MGAT4C: variants seen among roughly 807,000 people sequenced by gnomAD.
MGAT4C encodes the protein MGAT4 family member C, also known as alpha-1,3-mannosyl-glycoprotein 4-beta-N-acetylglucosaminyltransferase C.
MGAT4C carries 19 observed loss-of-function variants against 40.1 expected under a neutral mutation model. That is an observed-to-expected ratio of 0.47 (90% CI 0.33 to 0.70). The LOEUF (loss-of-function observed/expected upper bound fraction) is 0.70, where lower values mean the gene tolerates loss of function less well. Among genes scored for constraint, MGAT4C ranks in the 30% least tolerant of loss-of-function variants. The pLI, the probability that MGAT4C is intolerant of heterozygous loss-of-function variation, is 0.02. For synonymous variants in MGAT4C, 181 were observed against 187.1 expected (o/e 0.97, Z 0.27); for missense variants, 491 against 563.2 (o/e 0.87, Z 1.30).
At chr12:86,572,654 T>A (rs1960411218) in intron 2 of MGAT4C, among the ~76,000 whole-genome samples, 1 of 152,068 alleles carries the variant, frequency 6.6e-6, no homozygotes, top group South Asian at 2.1e-4. Context: ...TGCACAGTCC[T>A]CTTAATCTAC....
chr12:86,103,175 G>T (rs1875442922), intron 1 of MGAT4C, among the ~76,000 whole-genome samples: 1 of 152,060 alleles, frequency 6.6e-6, no homozygotes, highest in African/African-American at 2.4e-5. Flanking sequence ...TCCCAGTGGG[G>T]GCTAACTGGT....
chr12:86,659,009 G>T (rs1275580873), intron 2 of MGAT4C, among the ~76,000 whole-genome samples: 1 of 152,040 alleles, frequency 6.6e-6, no homozygotes, highest in Non-Finnish European at 1.5e-5. Flanking sequence ...TTTGACCTAT[G>T]ATTAATGTGT....
intron 3 of MGAT4C, among the ~76,000 whole-genome samples, chr12:86,353,387 C>T (rs1209278214): frequency 1.3e-5 from 2 of 152,116 alleles, no homozygotes; most frequent in Non-Finnish European, 2.9e-5. Flanking sequence ...GAAATTAAAA[C>T]TCAAAGAAGA....
intron 2 of MGAT4C, among the ~76,000 whole-genome samples, chr12:86,689,881 A>C (rs1001744287): frequency 6.6e-6 from 1 of 152,194 alleles, no homozygotes; most frequent in Non-Finnish European, 1.5e-5. Context: ...GCTGGCAGGC[A>C]GGAATGTTTA....
chr12:86,796,698 G>A (rs1952129653), intron 1 of MGAT4C, among the ~76,000 whole-genome samples: 1 of 151,824 alleles, frequency 6.6e-6, no homozygotes, highest in Admixed American at 6.6e-5. Flanking sequence ...GCACAAAAAT[G>A]GTAACAATGT....
chr12:86,360,959 C>A lies in MGAT4C; in HGVS notation c.-119-26832G>T, dbSNP rs139395891. On this transcript the variant is annotated intron_variant, in intron 3 of 7. Coordinates refer to the MGAT4C transcript ENST00000548651. ...GCCATCCCCATCAAGCTACTGATGA[C>A]TTTCTTCACAGAATTGGAAAAACTA... 8.8e-3 allele frequency among the ~76,000 whole-genome samples: 1,342 copies of A among 152,314 alleles called. 15 individuals are homozygous for A. The highest frequency in any genetic ancestry group is 0.03 in the African/African-American group (1,262 of 41,570).
At chr12:86,335,112 G>T (rs1025671932) in intron 3 of MGAT4C, among the ~76,000 whole-genome samples, 2 of 151,808 alleles carry the variant, frequency 1.3e-5, no homozygotes, top group Non-Finnish European at 2.9e-5. Flanking sequence ...GAATATTTTT[G>T]AATTTTCTAG....
rs930818533 is a variant in MGAT4C, at chr12:86,584,396, C to T, written c.-229+142813G>A. Among the ~76,000 whole-genome samples, 5 of 150,744 alleles carry T rather than the reference C, an allele frequency of 3.3e-5. No homozygotes were observed. In the Admixed American group the frequency reaches 3.3e-4, roughly 10 times the overall value. ...ATGCCACAGTCTCTAAGGAATTCTT[C>T]CTGTGAAGTTAATTACAAGTTTTCC... On this transcript the variant is annotated intron_variant, in intron 2 of 7. Coordinates refer to the MGAT4C transcript ENST00000548651.
chr12:86,161,794 T>G (rs1885618543), intron 1 of MGAT4C, among the ~76,000 whole-genome samples: 1 of 151,832 alleles, frequency 6.6e-6, no homozygotes, highest in Non-Finnish European at 1.5e-5. Flanking sequence ...ATAGGGGACT[T>G]AAATCAACAA....
intron 2 of MGAT4C, among the ~76,000 whole-genome samples, chr12:86,695,530 A>G (rs1009207263): frequency 6.6e-6 from 1 of 152,202 alleles, no homozygotes; most frequent in African/African-American, 2.4e-5. Flanking sequence ...ATGTCCATCA[A>G]CGTATGAATG....
At chr12:86,830,129 C>T (rs1470520380) in intron 1 of MGAT4C, among the ~76,000 whole-genome samples, 2 of 151,492 alleles carry the variant, frequency 1.3e-5, no homozygotes, top group East Asian at 3.9e-4. Context: ...ACTGGAACTG[C>T]CTGCCCATGT....
chr12:86,471,587 A>C (rs1957758837), intron 2 of MGAT4C, among the ~76,000 whole-genome samples: 2 of 152,234 alleles, frequency 1.3e-5, no homozygotes, highest in East Asian at 3.9e-4. Context: ...CACTATATAG[A>C]ATATACTATT....
intron 1 of MGAT4C, among the ~76,000 whole-genome samples, chr12:86,057,322 T>C (rs1260476243): frequency 6.6e-6 from 1 of 152,134 alleles, no homozygotes; most frequent in African/African-American, 2.4e-5. Context: ...TTCTATCCAA[T>C]TATGTAAGTG....
chr12:86,821,492 C>A (rs1208846569), intron 1 of MGAT4C, among the ~76,000 whole-genome samples: 1 of 150,802 alleles, frequency 6.6e-6, no homozygotes, highest in Non-Finnish European at 1.5e-5. Context: ...GTTATCATTT[C>A]TTTGTGTTAG....
intron 2 of MGAT4C, among the ~76,000 whole-genome samples, chr12:86,678,251 C>A (rs765554260): frequency 2.0e-5 from 3 of 152,044 alleles, no homozygotes; most frequent in Non-Finnish European, 2.9e-5. Flanking sequence ...GCGCCACCAT[C>A]CTACATGAGC....
chr12:86,684,626 G>A (rs895935484), intron 2 of MGAT4C, among the ~76,000 whole-genome samples: 12 of 152,146 alleles, frequency 7.9e-5, no homozygotes, highest in African/African-American at 2.7e-4. Flanking sequence ...CACAATGGTT[G>A]AACTAATTTA....
chr12:86,489,451 C>G (rs1324715748), intron 2 of MGAT4C, among the ~76,000 whole-genome samples: 2 of 152,154 alleles, frequency 1.3e-5, no homozygotes, highest in Non-Finnish European at 2.9e-5. Context: ...TCACACTAGC[C>G]CTTTCCTCTT....
At chr12:86,667,183 A>T (rs1964131934) in intron 2 of MGAT4C, among the ~76,000 whole-genome samples, 1 of 152,194 alleles carries the variant, frequency 6.6e-6, no homozygotes, top group Admixed American at 6.5e-5. Context: ...GAGGAGGAGG[A>T]AGTGTGAAGA....
chr12:86,115,202 TA>T (rs1340231894), intron 1 of MGAT4C, among the ~76,000 whole-genome samples: 4 of 151,782 alleles, frequency 2.6e-5, no homozygotes, highest in African/African-American at 4.8e-5. Flanking sequence ...TGAATATATT[TA>T]AAAAAATAAA....
Sources: allele counts gnomAD v4.1 joint callset (sites outside exome capture counted in the v4.1 genomes callset), GRCh38; gene constraint gnomAD v4.1.1; transcripts MANE v1.5; gene names NCBI Gene and HGNC (gene_info 2026-07-23, HGNC 2026-07-21).